The following CACNA1C variants were observed in gnomAD, a reference collection of about 807,000 sequenced individuals.
The protein encoded by CACNA1C is voltage-dependent L-type calcium channel subunit alpha-1C.
Under a neutral mutation model 229.0 loss-of-function variants are expected in CACNA1C, and 30 were observed. The observed-to-expected ratio is 0.13, with a 90% CI of 0.10 to 0.18. CACNA1C has a LOEUF of 0.18. Among genes scored for constraint, CACNA1C ranks in the 10% least tolerant of loss-of-function variants. CACNA1C has a pLI of 1.00. For synonymous variants in CACNA1C, 1,114 were observed against 1,132.5 expected (o/e 0.98, Z 0.33); for missense variants, 1,658 against 2,845.0 (o/e 0.58, Z 9.49).
intron 11 of CACNA1C, among the ~76,000 whole-genome samples, chr12:2,562,518 C>T (rs1031760710): frequency 6.6e-6 from 1 of 152,142 alleles, no homozygotes; most frequent in African/African-American, 2.4e-5. Flanking sequence ...TAATCACAAT[C>T]ACAGGAAAAA....
Position 2,459,910 on chromosome 12 carries a change from A to G in CACNA1C, c.757+2204A>G, listed in dbSNP as rs200938822. On this transcript the variant is annotated intron_variant, in intron 5 of 46. Coordinates refer to ENST00000399655, the MANE Select transcript of CACNA1C (RefSeq NM_000719.7). The stretch of plus-strand genomic sequence containing the variant: ...TTAGGACGTATCATAAAGAACAAGC[A>G]TGGTCCTTTCACTAGAGAAATTTGA... 3.3e-5 allele frequency among the ~76,000 whole-genome samples: 5 copies of G among 152,376 alleles called. No homozygotes were observed. In the South Asian group the frequency reaches 1.0e-3, roughly 32 times the overall value.
At chr12:2,113,825 G>A (rs954385085) in intron 1 of CACNA1C, among the ~76,000 whole-genome samples, 5 of 152,224 alleles carry the variant, frequency 3.3e-5, no homozygotes, top group Admixed American at 2.0e-4. Context: ...AGCCTAACAG[G>A]CCAAAGAGTG....
rs773015884 is a variant in CACNA1C, at chr12:2,585,860, A to G, written c.2486A>G (p.Asn829Ser). 44 of 1,609,208 alleles carry G rather than the reference A, an allele frequency of 2.7e-5. No individual in the cohort carries two copies. Among genetic ancestry groups the G allele is most frequent in the Admixed American group, 6.7e-5 (4 of 59,690 alleles). ...TKINMDDLQP[N>S]ENEDKSPYPN... ...ATCAACATGGATGACCTCCAGCCCA[A>G]TGAAAATGAGGATAAGAGCCCCTAC... is the stretch of plus-strand genomic sequence containing the variant. Residue 829 changes from asparagine (N) to serine (S), a missense_variant, in exon 18 of 47, where the codon AAT (asparagine) becomes AGT (serine). Physicochemically the swap from Asn to Ser is conservative, Grantham distance 46. Transcript: ENST00000399655. The surrounding 1 kb of genome is among the most constrained non-coding windows in gnomAD (Gnocchi z 4.1).
At chr12:1,997,568 T>C (rs2041241149) in intron 1 of CACNA1C, among the ~76,000 whole-genome samples, 1 of 152,184 alleles carries the variant, frequency 6.6e-6, no homozygotes, top group East Asian at 1.9e-4. Context: ...TTCCAAATAT[T>C]AACTGAACAA....
intron 3 of CACNA1C, among the ~76,000 whole-genome samples, chr12:2,345,260 G>A (rs1219019318): frequency 6.6e-6 from 1 of 151,986 alleles, no homozygotes; most frequent in Non-Finnish European, 1.5e-5. Flanking sequence ...GAACAGGGAA[G>A]GATGCTGTGG....
intron 1 of CACNA1C, among the ~76,000 whole-genome samples, chr12:1,979,555 G>T (rs1032079232): frequency 3.0e-4 from 45 of 152,094 alleles, no homozygotes; most frequent in Admixed American, 7.9e-4. Context: ...CAAGTGATCC[G>T]CCCGCCTCAG....
At chr12:2,414,521 T>C (rs925558323) in intron 3 of CACNA1C, among the ~76,000 whole-genome samples, 1 of 152,166 alleles carries the variant, frequency 6.6e-6, no homozygotes, top group Non-Finnish European at 1.5e-5. Context: ...AGCTGGTGTC[T>C]TTATGCCTGC....
intron 29 of CACNA1C, among the ~76,000 whole-genome samples, chr12:2,625,282 A>G (rs532091692): frequency 1.3e-5 from 2 of 152,366 alleles, no homozygotes; most frequent in East Asian, 3.9e-4. Context: ...TATTTAATGT[A>G]GAAAATTATT....
At chr12:2,057,301 A>C (rs1203745119) in intron 1 of CACNA1C, among the ~76,000 whole-genome samples, 1 of 152,218 alleles carries the variant, frequency 6.6e-6, no homozygotes, top group African/African-American at 2.4e-5. Context: ...CAGGGCCTCG[A>C]TGCAAGGCTG....
intron 1 of CACNA1C, among the ~76,000 whole-genome samples, chr12:1,987,181 G>A (rs1426829528): frequency 6.6e-6 from 1 of 152,216 alleles, no homozygotes; most frequent in Admixed American, 6.5e-5. Flanking sequence ...CTGCCCTGCT[G>A]CTAAGGAAAT....
intron 39 of CACNA1C, among the ~76,000 whole-genome samples, chr12:2,675,800 G>C (rs1245814029): frequency 1.3e-5 from 2 of 152,150 alleles, no homozygotes; most frequent in Non-Finnish European, 1.5e-5. Context: ...GCAAAGCTGT[G>C]ATTGCAGAAC....
At chr12:2,148,967 A>C (rs2094977186) in intron 3 of CACNA1C, among the ~76,000 whole-genome samples, 1 of 151,690 alleles carries the variant, frequency 6.6e-6, no homozygotes, top group Admixed American at 6.6e-5. Context: ...TATTTTTTTG[A>C]CTTTTCCAGT....
intron 3 of CACNA1C, among the ~76,000 whole-genome samples, chr12:2,314,150 C>G (rs182542704): frequency 3.0e-4 from 46 of 152,316 alleles, no homozygotes; most frequent in Non-Finnish European, 5.0e-4. Flanking sequence ...CTCCTGGGCA[C>G]CTGCTCTTCT....
intron 3 of CACNA1C, among the ~76,000 whole-genome samples, chr12:2,362,554 T>C (rs1373670193): frequency 6.6e-6 from 1 of 152,200 alleles, no homozygotes; most frequent in Non-Finnish European, 1.5e-5. Context: ...ACACTTGTTC[T>C]CCTGCTGGGG....
chr12:1,979,515 T>C (rs1240004065), intron 1 of CACNA1C, among the ~76,000 whole-genome samples: 1 of 152,180 alleles, frequency 6.6e-6, no homozygotes, highest in Non-Finnish European at 1.5e-5. Context: ...TTTCACCATG[T>C]TGGCCAGGCT....
At chr12:2,121,378 A>G (rs1414365087) in intron 3 of CACNA1C, among the ~76,000 whole-genome samples, 3 of 152,258 alleles carry the variant, frequency 2.0e-5, no homozygotes, top group Non-Finnish European at 4.4e-5. Flanking sequence ...ATGCCATCAC[A>G]GGGTGGTTCT....
intron 3 of CACNA1C, among the ~76,000 whole-genome samples, chr12:2,417,078 T>C (rs566944059): frequency 4.2e-4 from 64 of 152,332 alleles, no homozygotes; most frequent in African/African-American, 1.4e-3. Context: ...TGCAGTCACT[T>C]CTATACAATG....
At chr12:2,328,535 A>G (rs1016347883) in intron 3 of CACNA1C, among the ~76,000 whole-genome samples, 1 of 152,192 alleles carries the variant, frequency 6.6e-6, no homozygotes, top group Non-Finnish European at 1.5e-5. Context: ...CATTCTCCCT[A>G]GGAAAGGCAT....
chr12:2,177,652 C>A (rs11062142), intron 3 of CACNA1C, among the ~76,000 whole-genome samples: 2 of 123,674 alleles, frequency 1.6e-5, no homozygotes, highest in African/African-American at 5.9e-5. Flanking sequence ...TTCTTTCTTT[C>A]TTTTTCTTTC....
Sources: allele counts gnomAD v4.1 joint callset (sites outside exome capture counted in the v4.1 genomes callset), GRCh38; gene constraint gnomAD v4.1.1; non-coding constraint Gnocchi (gnomAD v3.1); transcripts MANE v1.5; gene names NCBI Gene and HGNC (gene_info 2026-07-23, HGNC 2026-07-21).